The following SH3GL2 variants were observed in gnomAD, a reference collection of about 807,000 sequenced individuals.
SH3GL2 encodes SH3 domain containing GRB2 like 2, endophilin A1.
In SH3GL2, 24 loss-of-function variants were observed where a neutral mutation model predicts 46.0. The observed-to-expected ratio is 0.52, with a 90% CI of 0.38 to 0.73. SH3GL2 has a LOEUF of 0.73. SH3GL2 is among the 30% of genes least tolerant of loss of function. The pLI is 0.00. For synonymous variants in SH3GL2, 196 were observed against 147.1 expected (o/e 1.33, Z -2.40); for missense variants, 413 against 424.2 (o/e 0.97, Z 0.23).
At chr9:17,745,530 A>G (rs1041700931) in intron 1 of SH3GL2, among the ~76,000 whole-genome samples, 4 of 152,078 alleles carry the variant, frequency 2.6e-5, no homozygotes, top group African/African-American at 9.6e-5. Context: ...TCCTATTTCT[A>G]CTGATGGGAT....
intron 1 of SH3GL2, among the ~76,000 whole-genome samples, chr9:17,734,939 G>A (rs1308983568): frequency 1.3e-5 from 2 of 152,048 alleles, no homozygotes; most frequent in Non-Finnish European, 2.9e-5. Flanking sequence ...TACTTTAAAC[G>A]GGTGAACTTT....
chr9:17,649,112 T>A (rs982327017), intron 1 of SH3GL2, among the ~76,000 whole-genome samples: 1 of 152,214 alleles, frequency 6.6e-6, no homozygotes, highest in East Asian at 1.9e-4. Context: ...TTTTTCATTA[T>A]TGTTTTGAGA....
At chr9:17,716,072 G>A (rs1588268334) in intron 1 of SH3GL2, among the ~76,000 whole-genome samples, 1 of 152,014 alleles carries the variant, frequency 6.6e-6, no homozygotes, top group African/African-American at 2.4e-5. Flanking sequence ...TTGTACGTGT[G>A]TATGTATATA....
At chr9:17,612,181 G>A (rs1454917752) in intron 1 of SH3GL2, among the ~76,000 whole-genome samples, 2 of 152,120 alleles carry the variant, frequency 1.3e-5, no homozygotes, top group Non-Finnish European at 2.9e-5. Flanking sequence ...CTCTAGTTCT[G>A]TGCACAGAAG....
At chr9:17,794,073 A>G (rs1012717058) in intron 8 of SH3GL2, among the ~76,000 whole-genome samples, 26 of 152,220 alleles carry the variant, frequency 1.7e-4, no homozygotes, top group African/African-American at 6.0e-4. Flanking sequence ...TGATCACTTT[A>G]TCATGCTGTG....
chr9:17,601,633 T>C (rs1187344504), intron 1 of SH3GL2, among the ~76,000 whole-genome samples: 2 of 152,218 alleles, frequency 1.3e-5, no homozygotes, highest in African/African-American at 2.4e-5. Flanking sequence ...AAACAAACCA[T>C]GACAGTAGTT....
intron 1 of SH3GL2, among the ~76,000 whole-genome samples, chr9:17,601,105 T>G (rs1818660402): frequency 6.6e-6 from 1 of 152,184 alleles, no homozygotes; most frequent in Non-Finnish European, 1.5e-5. Context: ...TGTGGTGGTG[T>G]TTCTACAGCT....
At chr9:17,704,414 A>T (rs574612683) in intron 1 of SH3GL2, among the ~76,000 whole-genome samples, 7 of 150,074 alleles carry the variant, frequency 4.7e-5, no homozygotes, top group African/African-American at 1.7e-4. Context: ...TACCAATGAC[A>T]TTCTTCACAG....
chr9:17,599,408 G>A (rs539243321), intron 1 of SH3GL2, among the ~76,000 whole-genome samples: 9 of 152,288 alleles, frequency 5.9e-5, no homozygotes, highest in African/African-American at 1.9e-4. Context: ...CTTGGCAAGG[G>A]TACAGTGCCA....
intron 1 of SH3GL2, among the ~76,000 whole-genome samples, chr9:17,688,918 C>A (rs900761950): frequency 3.3e-5 from 5 of 151,970 alleles, no homozygotes; most frequent in Non-Finnish European, 7.4e-5. Context: ...GCATACCTGC[C>A]CACTCTTTAA....
At chr9:17,640,544 C>T (rs1819654674) in intron 1 of SH3GL2, among the ~76,000 whole-genome samples, 1 of 152,096 alleles carries the variant, frequency 6.6e-6, no homozygotes, top group African/African-American at 2.4e-5. Flanking sequence ...GCTCTCTCAA[C>T]CGGCTGTCTC....
At chr9:17,685,131 G>T (rs985076793) in intron 1 of SH3GL2, among the ~76,000 whole-genome samples, 1 of 152,072 alleles carries the variant, frequency 6.6e-6, no homozygotes, top group Admixed American at 6.6e-5. Flanking sequence ...ACAGGTGTGT[G>T]TGTGTTTATG....
intron 1 of SH3GL2, among the ~76,000 whole-genome samples, chr9:17,723,020 C>T (rs1426399151): frequency 6.6e-6 from 1 of 152,114 alleles, no homozygotes; most frequent in African/African-American, 2.4e-5. Context: ...TAGCACTGTA[C>T]AGTCAAAGCA....
intron 1 of SH3GL2, among the ~76,000 whole-genome samples, chr9:17,613,906 C>T (rs577235498): frequency 6.6e-6 from 1 of 152,248 alleles, no homozygotes; most frequent in South Asian, 2.1e-4. Context: ...TTACCAATGC[C>T]TTATTTGGCA....
At chr9:17,666,076 T>C (rs541934902) in intron 1 of SH3GL2, among the ~76,000 whole-genome samples, 4 of 151,932 alleles carry the variant, frequency 2.6e-5, no homozygotes, top group Non-Finnish European at 5.9e-5. Context: ...ATTTAAAATT[T>C]CTACCCTACA....
chr9:17,585,622 G>A (rs908556774), intron 1 of SH3GL2, among the ~76,000 whole-genome samples: 1 of 152,206 alleles, frequency 6.6e-6, no homozygotes, highest in South Asian at 2.1e-4. Flanking sequence ...GTGGGAAACA[G>A]GTGGGAGCAG....
At chr9:17,788,305 C>T (rs58255328) in intron 5 of SH3GL2, among the ~76,000 whole-genome samples, 4,005 of 152,082 alleles carry the variant, frequency 0.026, 178 homozygotes, top group African/African-American at 0.092. Context: ...AATGCTGTAC[C>T]CTATAGCTCA....
Position 17,783,232 on chromosome 9 carries a change from A to G in SH3GL2, c.188-3149A>G, listed in dbSNP as rs979991662. On this transcript the variant is annotated intron_variant, in intron 3 of 8. Transcript: ENST00000380607. ...AGCCTGGATTTTTAGCTATGTCTGT[A>G]TGTGCTCAAAGCTAATGTTCATTTT... Among the ~76,000 whole-genome samples the G allele has an allele frequency of 2.6e-5, 4 of 152,006 alleles. No homozygotes were observed. In the South Asian group the frequency reaches 8.3e-4, roughly 32 times the overall value.
At chr9:17,699,001 A>G (rs1821276856) in intron 1 of SH3GL2, among the ~76,000 whole-genome samples, 1 of 151,880 alleles carries the variant, frequency 6.6e-6, no homozygotes, top group Non-Finnish European at 1.5e-5. Context: ...CTAAAATACA[A>G]AAAACTAGCC....
Sources: gnomAD v4.1 joint callset for allele counts (sites outside exome capture counted in the v4.1 genomes callset) on GRCh38, gnomAD v4.1.1 for gene constraint, MANE v1.5 for transcripts, NCBI Gene and HGNC (gene_info 2026-07-23, HGNC 2026-07-21) for gene names.